ZNF469: variants seen among roughly 807,000 people sequenced by gnomAD.
The protein encoded by ZNF469 is zinc finger protein 469.
In ZNF469, 1 loss-of-function variant was observed where a neutral mutation model predicts 1.0. The observed-to-expected ratio is 1.00, with a 90% CI of 0.35 to 4.73. The LOEUF is 4.73. Ranked by LOEUF, ZNF469 falls within the 30% of genes most tolerant of loss-of-function variation. The pLI is 0.16. For missense variants in ZNF469, 6,100 were observed against 5,356.3 expected (o/e 1.14, Z -4.33); for synonymous variants, 2,703 against 2,363.4 (o/e 1.14, Z -4.17).
the ZNF469 span, among the ~76,000 whole-genome samples, chr16:88,295,622 T>C: frequency 2.6e-5 from 4 of 152,142 alleles, no homozygotes; most frequent in Admixed American, 1.3e-4. Flanking sequence ...TGATCTGTCA[T>C]TGAGCTGTAC....
rs145679739 is a variant in ZNF469 at position 88,410,948 on chromosome 16, G to A, written c.-191-13859G>A. Among the ~76,000 whole-genome samples, 85 of 152,188 alleles carry A rather than the reference G, an allele frequency of 5.6e-4. 1 individual carries two copies. Among genetic ancestry groups the A allele is most frequent in the African/African-American group, 1.4e-3 (59 of 41,528 alleles). Reference sequence around the variant, plus strand: ...TGGAGGTCCCAGGCATTCCTGGCTCGTGGCCGCCTCACTCCACCTCTACCT... The same window carrying A: ...TGGAGGTCCCAGGCATTCCTGGCTCATGGCCGCCTCACTCCACCTCTACCT... On this transcript the variant is annotated intron_variant, in intron 1 of 2. Transcript: ENST00000565624.
At chr16:88,137,615 C>T in the ZNF469 span, among the ~76,000 whole-genome samples, 7,811 of 152,168 alleles carry the variant, frequency 0.051, 671 homozygotes, top group African/African-American at 0.18. Context: ...GCTATGCGTG[C>T]ATACCACCAC....
the ZNF469 span, among the ~76,000 whole-genome samples, chr16:88,160,969 A>C: frequency 1.3e-5 from 2 of 152,178 alleles, no homozygotes; most frequent in African/African-American, 4.8e-5. Context: ...ATGGCAAAAC[A>C]ATGTCTCTAT....
chr16:88,382,032 A>C (rs527813913), upstream of ZNF469, among the ~76,000 whole-genome samples: 1 of 152,350 alleles, frequency 6.6e-6, no homozygotes, highest in African/African-American at 2.4e-5. Flanking sequence ...ACTAATTCTG[A>C]AAGCATTCCT....
the ZNF469 span, among the ~76,000 whole-genome samples, chr16:88,128,352 A>G: frequency 6.6e-6 from 1 of 152,148 alleles, no homozygotes; most frequent in Non-Finnish European, 1.5e-5. Context: ...GAGGTTTTAC[A>G]TTGAATTCCA....
chr16:88,122,806 T>C, the ZNF469 span, among the ~76,000 whole-genome samples: 4 of 151,016 alleles, frequency 2.6e-5, no homozygotes, highest in South Asian at 8.3e-4. Flanking sequence ...TATATATGTA[T>C]ATATATGCTT....
the ZNF469 span, among the ~76,000 whole-genome samples, chr16:88,280,083 G>A: frequency 1.8e-4 from 23 of 129,144 alleles, no homozygotes; most frequent in Admixed American, 7.2e-4. Flanking sequence ...ACACTCAGTC[G>A]GTACCGTGTA....
At chr16:88,195,988 C>T in the ZNF469 span, among the ~76,000 whole-genome samples, 15 of 152,346 alleles carry the variant, frequency 9.8e-5, no homozygotes, top group African/African-American at 3.1e-4. Context: ...GAGGAGGCTG[C>T]GTCGTGATCC....
chr16:88,349,477 AATACACACC>A, the ZNF469 span, among the ~76,000 whole-genome samples: 1 of 149,652 alleles, frequency 6.7e-6, no homozygotes, highest in African/African-American at 2.5e-5. Flanking sequence ...CACCCGGCAC[AATACACACC>A]ATACACAAGT....
the ZNF469 span, among the ~76,000 whole-genome samples, chr16:88,198,183 G>A: frequency 1.4e-4 from 21 of 152,344 alleles, no homozygotes; most frequent in Non-Finnish European, 2.1e-4. Context: ...TGCATTGCAC[G>A]GGGTGAGATG....
the ZNF469 span, among the ~76,000 whole-genome samples, chr16:88,351,706 G>A: frequency 6.6e-6 from 1 of 152,212 alleles, no homozygotes; most frequent in East Asian, 1.9e-4. Flanking sequence ...CCCACCGCCG[G>A]CAGCAGGCCC....
the ZNF469 span, among the ~76,000 whole-genome samples, chr16:88,251,221 C>T: frequency 6.6e-6 from 1 of 152,180 alleles, no homozygotes; most frequent in Non-Finnish European, 1.5e-5. Flanking sequence ...TCTCTGAACA[C>T]ATTTATAACA....
At chr16:88,393,002 G>A (rs1567498978) in intron 1 of ZNF469, among the ~76,000 whole-genome samples, 1 of 152,278 alleles carries the variant, frequency 6.6e-6, no homozygotes, top group Non-Finnish European at 1.5e-5. Flanking sequence ...CTGGCACAGA[G>A]AGGCCTCAGA....
At chr16:88,224,862 A>T in the ZNF469 span, among the ~76,000 whole-genome samples, 2 of 152,188 alleles carry the variant, frequency 1.3e-5, no homozygotes, top group African/African-American at 4.8e-5. Flanking sequence ...GTGGGTCCCC[A>T]GCGGCTCAGG....
At chr16:88,124,296 C>T in the ZNF469 span, among the ~76,000 whole-genome samples, 1 of 152,170 alleles carries the variant, frequency 6.6e-6, no homozygotes, top group African/African-American at 2.4e-5. Flanking sequence ...TGCAGTGGTG[C>T]AATCATGGCT....
chr16:88,150,135 C>T, the ZNF469 span, among the ~76,000 whole-genome samples: 3 of 152,134 alleles, frequency 2.0e-5, no homozygotes, highest in Admixed American at 2.0e-4. Context: ...TGGTGAAACC[C>T]CGTCTCTACT....
the ZNF469 span, among the ~76,000 whole-genome samples, chr16:88,310,624 C>G: frequency 1.3e-5 from 2 of 151,474 alleles, no homozygotes; most frequent in African/African-American, 2.4e-5. Flanking sequence ...GCTCTGTTGC[C>G]CAGGCTGGAG....
chr16:88,370,686 G>T, the ZNF469 span, among the ~76,000 whole-genome samples: 1 of 152,138 alleles, frequency 6.6e-6, no homozygotes, highest in South Asian at 2.1e-4. Context: ...CGCAAACTGG[G>T]CAAGTGAACA....
At chr16:88,123,947 G>A in the ZNF469 span, among the ~76,000 whole-genome samples, 2 of 152,206 alleles carry the variant, frequency 1.3e-5, no homozygotes, top group South Asian at 2.1e-4. Flanking sequence ...GGGATTACAG[G>A]CATGTGCCAC....
Sources: allele counts gnomAD v4.1 joint callset (sites outside exome capture counted in the v4.1 genomes callset), GRCh38; gene constraint gnomAD v4.1.1; transcripts MANE v1.5; gene names NCBI Gene and HGNC (gene_info 2026-07-23, HGNC 2026-07-21).